The following CNNM4 variants were observed in gnomAD, a reference collection of about 807,000 sequenced individuals.
The protein encoded by CNNM4 is cyclin and CBS domain divalent metal cation transport mediator 4.
A neutral mutation model predicts 53.7 loss-of-function variants in CNNM4; 32 were observed. That is an observed-to-expected ratio of 0.60 (90% confidence interval 0.45 to 0.80). CNNM4 has a LOEUF of 0.80. Ranked by LOEUF, CNNM4 falls within the 30% of genes least tolerant of loss-of-function variation. CNNM4 has a pLI of 0.00. For synonymous variants in CNNM4, 410 were observed against 440.0 expected, an observed-to-expected ratio of 0.93 and a Z score of 0.85; for missense variants, 784 against 1,022.0, an observed-to-expected ratio of 0.77 and a Z score of 3.17.
intron 1 of CNNM4, among the ~76,000 whole-genome samples, chr2:96,793,410 G>T (rs529035387): frequency 6.6e-6 from 1 of 152,338 alleles, no homozygotes; most frequent in South Asian, 2.1e-4. Context: ...TGGAACCTCT[G>T]TACGGAACCC....
rs1553479692 is a variant in CNNM4 at position 96,806,535 on chromosome 2, A to ACGCGCG, written c.1949-2012_1949-2007dup. On this transcript the variant is annotated intron_variant, in intron 5 of 6. Transcript: ENST00000377075. ...CACACACACACACACACACACACAC[A>ACGCGCG]CGCGCGCGCGCGCGCGCGCCCTTAG... Among the ~76,000 whole-genome samples the ACGCGCG allele has an allele frequency of 4.5e-3, 557 of 123,968 alleles. 4 individuals are homozygous for ACGCGCG. Among genetic ancestry groups the ACGCGCG allele is most frequent in the East Asian group, 9.2e-3 (40 of 4,362 alleles). The allele number at this position is 123,968 out of a possible 152,430, so 81.3% of individuals were successfully genotyped here. A position where few individuals can be genotyped will look rare whatever the true frequency, so the allele number is the denominator to read the frequency against.
At chr2:96,781,154 G>A (rs2078972459) in intron 1 of CNNM4, among the ~76,000 whole-genome samples, 2 of 151,662 alleles carry the variant, frequency 1.3e-5, no homozygotes, top group Admixed American at 6.6e-5. Context: ...AATTTTTTGT[G>A]TTTTTTAGTA....
chr2:96,796,818 A>T (rs2153349214), intron 1 of CNNM4, among the ~76,000 whole-genome samples, 194 bp from the exon 2 acceptor site: 1 of 152,320 alleles, frequency 6.6e-6, no homozygotes. Context: ...GCTTTTAAAA[A>T]TTACTTTTAG....
At chr2:96,803,699 C>G (rs1300926372) in intron 5 of CNNM4, among the ~76,000 whole-genome samples, 1 of 150,900 alleles carries the variant, frequency 6.6e-6, no homozygotes, top group Admixed American at 6.6e-5. Context: ...GCGCTCTAGC[C>G]TGGGCAACAA....
chr2:96,806,533 A>ACACACACACACACG (rs1553479683), intron 5 of CNNM4, among the ~76,000 whole-genome samples: 1 of 138,514 alleles, frequency 7.2e-6, no homozygotes, highest in Middle Eastern at 3.6e-3. Flanking sequence ...ACACACACAC[A>ACACACACACACACG]CACGCGCGCG....
chr2:96,794,737 C>A (rs549597003), intron 1 of CNNM4, among the ~76,000 whole-genome samples: 69 of 151,986 alleles, frequency 4.5e-4, no homozygotes, highest in Non-Finnish European at 8.8e-4. Context: ...GGTTAGGAAC[C>A]CTTGATTTTG....
In CNNM4 at chr2:96,787,655, C is replaced by G. The variant is rs1241764552; in HGVS notation, c.1403-9357C>G. Among the ~76,000 whole-genome samples, 4 of 152,180 alleles carry G rather than the reference C, an allele frequency of 2.6e-5. No individual in the cohort carries two copies. The South Asian group carries it at 6.2e-4, about 24-fold the overall frequency. On this transcript the variant is annotated intron_variant, in intron 1 of 6. Transcript: ENST00000377075. ...GGAGGATCGCTTGAGCCCAGGAGTT[C>G]GAGATCAGCCTGGGCAGCATAGTGA... is the stretch of plus-strand genomic sequence containing the variant.
intron 1 of CNNM4, among the ~76,000 whole-genome samples, chr2:96,790,457 C>T (rs112182334): frequency 2.0e-5 from 3 of 151,742 alleles, no homozygotes; most frequent in African/African-American, 4.8e-5. Context: ...CAGATTCAAG[C>T]GATTCTCCTG....
intron 6 of CNNM4, 61 bp from the exon 7 acceptor site, chr2:96,809,259 C>A: frequency 2.5e-6 from 4 of 1,604,566 alleles, no homozygotes; most frequent in Non-Finnish European, 2.6e-6. Context: ...TTTCTCCAGG[C>A]CTGGTGATAG....
Position 96,809,654 on chromosome 2 carries a change from A to G in CNNM4, c.*137A>G. On this transcript the variant is annotated 3_prime_UTR_variant, in exon 7 of 7. Coordinates refer to ENST00000377075, the MANE Select transcript of CNNM4 (RefSeq NM_020184.4). The stretch of plus-strand genomic sequence containing the variant: ...TGAACAGCCAGATGGCCCCCAGCCT[A>G]TGGGGGATCTGGCCTCTGCCAGGGA... 4 of 767,776 alleles carry G rather than the reference A, an allele frequency of 5.2e-6. No individual in the cohort carries two copies. Among genetic ancestry groups the G allele is most frequent in the Admixed American group, 2.5e-5 (1 of 40,538 alleles). The allele number at this position is 767,776 out of a possible 1,614,324, so 47.6% of individuals were successfully genotyped here.
At chr2:96,784,418 T>C (rs912196550) in intron 1 of CNNM4, among the ~76,000 whole-genome samples, 5 of 152,354 alleles carry the variant, frequency 3.3e-5, no homozygotes, top group East Asian at 1.9e-4. Context: ...GAAGAAAGGC[T>C]GGTCATGAGG....
chr2:96,806,535 A>ACACACACACACACACACGCG (rs374638753), intron 5 of CNNM4, among the ~76,000 whole-genome samples: 22 of 123,940 alleles, frequency 1.8e-4, no homozygotes, highest in African/African-American at 6.1e-4. Flanking sequence ...ACACACACAC[A>ACACACACACACACACACGCG]CGCGCGCGCG....
chr2:96,776,969 A>G (rs1285788172), intron 1 of CNNM4, among the ~76,000 whole-genome samples: 4 of 151,476 alleles, frequency 2.6e-5, no homozygotes, highest in Non-Finnish European at 5.9e-5. Context: ...GCACATTTTT[A>G]TATGCTTATT....
chr2:96,799,009 G>C, intron 3 of CNNM4, 48 bp from the exon 4 acceptor site: 1 of 1,596,238 alleles, frequency 6.3e-7, no homozygotes, highest in South Asian at 1.1e-5. Context: ...CGAGCTTTAG[G>C]GCCACCTGGC....
At chr2:96,799,697 G>A in intron 5 of CNNM4, 49 bp downstream of exon 5, 1 of 1,418,204 alleles carries the variant, frequency 7.1e-7, no homozygotes, top group Non-Finnish European at 9.7e-7. Flanking sequence ...CCCTGCAGCT[G>A]GGGAGCCATG....
rs2078761256 is a variant in CNNM4, at chr2:96,761,442, A to C, written c.443A>C (p.Tyr148Ser). ...CGGAGGAGCGAGAGCATGAAGCTGTATGCACTGTGCACCCGGGCCCAGCCC... is the reference window on the plus strand; with the variant it reads ...CGGAGGAGCGAGAGCATGAAGCTGTCTGCACTGTGCACCCGGGCCCAGCCC... ...FLRRSESMKLYALCTRAQPDG... is the reference protein window; with the variant it reads ...FLRRSESMKLSALCTRAQPDG... Residue 148 changes from tyrosine (Y) to serine (S), a missense_variant, in exon 1 of 7, where the codon TAT becomes TCT. Tyr to Ser is a moderately radical substitution (Grantham distance 144). Transcript: ENST00000377075. The surrounding 1 kb of genome is among the most constrained non-coding windows in gnomAD (Gnocchi z 6.0). 1 of 1,613,968 alleles carries C rather than the reference A, an allele frequency of 6.2e-7. No individual in the cohort carries two copies. The highest frequency in any genetic ancestry group is 8.5e-7 in the Non-Finnish European group (1 of 1,180,028).
chr2:96,800,906 C>T lies in CNNM4; in HGVS notation c.1948+1258C>T, dbSNP rs2079152395. Among the ~76,000 whole-genome samples, 1 of 152,194 alleles carries T rather than the reference C, an allele frequency of 6.6e-6. No individual in the cohort carries two copies. Among genetic ancestry groups the T allele is most frequent in the African/African-American group, 2.4e-5 (1 of 41,440 alleles). ...CTGCCTGTCTCCGCACAGGGCTCAC[C>T]GCTGTGCCCTGAGCACCCTTCCCAG... On this transcript the variant is annotated intron_variant, in intron 5 of 6. Coordinates refer to ENST00000377075, the MANE Select transcript of CNNM4 (RefSeq NM_020184.4). The surrounding 1 kb of genome is among the most constrained non-coding windows in gnomAD (Gnocchi z 4.6).
chr2:96,794,910 G>A lies in CNNM4; in HGVS notation c.1403-2102G>A, dbSNP rs78014679. On this transcript the variant is annotated intron_variant, in intron 1 of 6. Transcript: ENST00000377075. ...GAAGGGGGTACAGGTTGGGCATCCCGAATCCAAAAATCCAAAATCCCAAAT... is the reference window on the plus strand; with the variant it reads ...GAAGGGGGTACAGGTTGGGCATCCCAAATCCAAAAATCCAAAATCCCAAAT... 3.3e-4 allele frequency among the ~76,000 whole-genome samples: 51 copies of A among 152,284 alleles called. No individual in the cohort carries two copies. In the East Asian group the frequency reaches 8.9e-3, roughly 26 times the overall value.
In CNNM4 at chr2:96,809,459, CT is replaced by C; in HGVS notation, c.2271del (p.Leu758PhefsTer51). ...SELPVVDETT[T>X]LLNERNSLLH... is the part of the protein sequence containing the mutation. Reference sequence around the variant, plus strand: ...CTGCCTGTGGTGGACGAGACCACAACTCTTCTCAACGAGCGTAACTCCTTGC... The same window carrying C: ...CTGCCTGTGGTGGACGAGACCACAACCTTCTCAACGAGCGTAACTCCTTGC... On this transcript the variant is annotated frameshift_variant, in exon 7 of 7. Transcript: ENST00000377075. LOFTEE classifies it high-confidence loss of function. 6.2e-7 allele frequency: 1 copy of C among 1,614,232 alleles called. No homozygotes were observed. Among genetic ancestry groups the C allele is most frequent in the African/African-American group, 1.3e-5 (1 of 75,068 alleles).
Sources: allele counts gnomAD v4.1 joint callset (sites outside exome capture counted in the v4.1 genomes callset), GRCh38; gene constraint gnomAD v4.1.1; non-coding constraint Gnocchi (gnomAD v3.1); transcripts MANE v1.5; gene names NCBI Gene and HGNC (gene_info 2026-07-23, HGNC 2026-07-21).